The following ASAP1 variants were observed in gnomAD, a reference collection of about 807,000 sequenced individuals.
The protein encoded by ASAP1 is arf-GAP with SH3 domain, ANK repeat and PH domain-containing protein 1.
ASAP1 carries 43 observed loss-of-function variants against 145.2 expected under a neutral mutation model. The observed-to-expected ratio is 0.30, with a 90% CI of 0.23 to 0.38. The LOEUF is 0.38. ASAP1 is among the 10% of genes least tolerant of loss of function. The pLI is 1.00. For missense variants in ASAP1, 1,018 were observed against 1,355.3 expected, an observed-to-expected ratio of 0.75 and a Z score of 3.91; for synonymous variants, 546 against 515.5, an observed-to-expected ratio of 1.06 and a Z score of -0.80.
chr8:130,389,675 C>T (rs776062875), intron 2 of ASAP1, among the ~76,000 whole-genome samples: 3 of 152,162 alleles, frequency 2.0e-5, no homozygotes, highest in Non-Finnish European at 4.4e-5. Flanking sequence ...CTGTTCTATA[C>T]ACTGAGCTCT....
chr8:130,323,138 C>T (rs1267882314), intron 3 of ASAP1, among the ~76,000 whole-genome samples: 1 of 152,204 alleles, frequency 6.6e-6, no homozygotes, highest in Non-Finnish European at 1.5e-5. Flanking sequence ...AAAGCAACTG[C>T]TCCTGTTGAT....
chr8:130,124,185 A>T (rs2097571248), intron 17 of ASAP1, 81 bp from the exon 18 acceptor site: 5 of 978,266 alleles, frequency 5.1e-6, no homozygotes, highest in Non-Finnish European at 7.8e-6. Context: ...TGTTTTTGAG[A>T]TTTATGAATA....
chr8:130,060,270 T>C lies in ASAP1; in HGVS notation c.3192+309A>G, dbSNP rs143294563. On this transcript the variant is annotated intron_variant, in intron 28 of 29. Coordinates refer to ENST00000518721, the MANE Select transcript of ASAP1 (RefSeq NM_018482.4). ...GCTCATTTGTCACTGTATTTAATCA[T>C]CTGTGAGCTCAAATATTGTATTAGC... Among the ~76,000 whole-genome samples the C allele has an allele frequency of 7.2e-5, 11 of 152,240 alleles. No individual in the cohort carries two copies. The East Asian group carries it at 2.1e-3, about 29-fold the overall frequency.
chr8:130,057,905 G>A (rs759743346), intron 29 of ASAP1, 49 bp downstream of exon 29: 11 of 1,603,634 alleles, frequency 6.9e-6, no homozygotes, highest in Non-Finnish European at 9.4e-6. Context: ...TGCCTGCCCA[G>A]GCATGCTGTA....
chr8:130,256,251 C>T (rs1471070552), intron 3 of ASAP1, among the ~76,000 whole-genome samples: 1 of 152,150 alleles, frequency 6.6e-6, no homozygotes, highest in African/African-American at 2.4e-5. Context: ...TGCACACTAA[C>T]ACTTCAGAGA....
At chr8:130,380,091 A>G (rs1284256285) in intron 2 of ASAP1, among the ~76,000 whole-genome samples, 2 of 152,134 alleles carry the variant, frequency 1.3e-5, no homozygotes, top group Non-Finnish European at 2.9e-5. Flanking sequence ...TGGGCACCCC[A>G]GGTCTCAGGT....
At chr8:130,259,932 C>T (rs16904229) in intron 3 of ASAP1, among the ~76,000 whole-genome samples, 15,597 of 152,096 alleles carry the variant, frequency 0.1, 938 homozygotes, top group South Asian at 0.27. Flanking sequence ...TAGGCAGCAC[C>T]GAAAATTATT....
At chr8:130,271,636 AGCCCC>A (rs1445926846) in intron 3 of ASAP1, among the ~76,000 whole-genome samples, 3 of 152,212 alleles carry the variant, frequency 2.0e-5, no homozygotes, top group African/African-American at 7.2e-5. Flanking sequence ...GTATGATACA[AGCCCC>A]AAGGTTTTTT....
chr8:130,053,784 T>C lies in ASAP1; in HGVS notation c.*947A>G, dbSNP rs1036608068. 1.3e-5 allele frequency: 2 copies of C among 152,236 alleles called. No homozygotes were observed. The highest frequency in any genetic ancestry group is 1.3e-4 in the Admixed American group (2 of 15,282). 9.4% of individuals were successfully genotyped at this position (152,236 alleles called of 1,614,324 possible). A position where few individuals can be genotyped will look rare whatever the true frequency, so the allele number is the denominator to read the frequency against. On this transcript the variant is annotated 3_prime_UTR_variant, in exon 30 of 30. Transcript: ENST00000518721. ...ATTCATAACACAATATGTCAATCCA[T>C]ACTCTTGAGAAAGCCAGTGATTAGA...
intron 3 of ASAP1, among the ~76,000 whole-genome samples, chr8:130,273,016 C>T (rs181194168): frequency 6.6e-5 from 10 of 152,290 alleles, no homozygotes; most frequent in African/African-American, 2.4e-4. Flanking sequence ...TCCCAACACA[C>T]AGAAATGACA....
intron 1 of ASAP1, among the ~76,000 whole-genome samples, chr8:130,430,488 G>A (rs1275929136): frequency 1.3e-5 from 2 of 152,160 alleles, no homozygotes; most frequent in East Asian, 1.9e-4. Flanking sequence ...GCTGACCCTC[G>A]GTCTGAGCAG....
At chr8:130,082,066 T>C (rs1374979798) in intron 25 of ASAP1, among the ~76,000 whole-genome samples, 1 of 152,116 alleles carries the variant, frequency 6.6e-6, no homozygotes, top group Non-Finnish European at 1.5e-5. Context: ...CACCACACTC[T>C]AGCACCTATC....
chr8:130,357,666 G>A (rs1025903958), intron 3 of ASAP1, among the ~76,000 whole-genome samples: 8 of 152,340 alleles, frequency 5.3e-5, no homozygotes, highest in Non-Finnish European at 7.3e-5. Flanking sequence ...GCCCTCGGTG[G>A]CCTGACGCCA....
chr8:130,097,846 G>A (rs7003568), intron 24 of ASAP1, among the ~76,000 whole-genome samples: 8,612 of 152,244 alleles, frequency 0.057, 326 homozygotes, highest in Non-Finnish European at 0.082. Context: ...AAGGTGGTTT[G>A]AGAATATCTC....
At chr8:130,214,262 A>G (rs539910351) in intron 5 of ASAP1, among the ~76,000 whole-genome samples, 11 of 152,326 alleles carry the variant, frequency 7.2e-5, no homozygotes, top group African/African-American at 2.4e-4. Flanking sequence ...GATGTGGAAG[A>G]GAATTCAGGT....
intron 1 of ASAP1, among the ~76,000 whole-genome samples, chr8:130,412,916 T>A (rs1829327561): frequency 6.6e-6 from 1 of 152,200 alleles, no homozygotes; most frequent in Non-Finnish European, 1.5e-5. Context: ...AGTGTGAGGA[T>A]TACAGGAGTG....
intron 1 of ASAP1, among the ~76,000 whole-genome samples, chr8:130,412,362 T>C (rs1829303085): frequency 6.6e-6 from 1 of 152,096 alleles, no homozygotes; most frequent in South Asian, 2.1e-4. Flanking sequence ...TGAGTGACTT[T>C]CCGTGAGATG....
rs537576894 is a variant in ASAP1, at chr8:130,342,899, C to T, written c.186+15118G>A. 1.1e-4 allele frequency among the ~76,000 whole-genome samples: 16 copies of T among 152,322 alleles called. No individual in the cohort carries two copies. The East Asian group carries it at 3.1e-3, about 29-fold the overall frequency. On this transcript the variant is annotated intron_variant, in intron 3 of 29. Transcript: ENST00000518721. ...TCTCTCCAAGATACTTCCCACCCTA[C>T]TTCTCTGCCAAGTGTTAAGTGGGAA...
At chr8:130,160,090 C>T in intron 11 of ASAP1, 126 bp from the exon 12 acceptor site, 3 of 766,906 alleles carry the variant, frequency 3.9e-6, no homozygotes, top group Admixed American at 4.6e-5. Flanking sequence ...TAAGAGCTGT[C>T]AGGTCCTTTC....
Sources: allele counts gnomAD v4.1 joint callset (sites outside exome capture counted in the v4.1 genomes callset), GRCh38; gene constraint gnomAD v4.1.1; transcripts MANE v1.5; gene names NCBI Gene and HGNC (gene_info 2026-07-23, HGNC 2026-07-21).